The following INSL6 variants were observed in gnomAD, a reference collection of about 807,000 sequenced individuals.
INSL6 encodes the protein insulin-like peptide INSL6.
Under a neutral mutation model 9.4 loss-of-function variants are expected in INSL6, and 16 were observed. The ratio of observed to expected loss-of-function variants is 1.70; its 90% CI spans 1.15 to 2.59. The LOEUF is 2.59. Among genes scored for constraint, INSL6 ranks in the 30% most tolerant of loss-of-function variants. The pLI is 0.00. For synonymous variants in INSL6, 154 were observed against 96.9 expected (o/e 1.59, Z -3.46); for missense variants, 391 against 257.3 (o/e 1.52, Z -3.56).
At chr9:5,156,058 G>A (rs1290969108) in intron 2 of INSL6, among the ~76,000 whole-genome samples, 1 of 152,064 alleles carries the variant, frequency 6.6e-6, no homozygotes, top group Non-Finnish European at 1.5e-5. Context: ...GACATTTAAA[G>A]GATGGTCAGG....
At chr9:5,066,569 A>T in the INSL6 span, 1 of 665,316 alleles carries the variant, frequency 1.5e-6, no homozygotes, top group Non-Finnish European at 2.7e-6. Flanking sequence ...AAAGTAGAGG[A>T]GACAATTCTG....
At chr9:5,112,756 G>A in the INSL6 span, 20 of 661,700 alleles carry the variant, frequency 3.0e-5, no homozygotes, top group Non-Finnish European at 4.7e-5. Flanking sequence ...GGCGAGAAGA[G>A]AAGGTGTCGC....
chr9:5,174,674 G>A (rs1033880598), intron 1 of INSL6, among the ~76,000 whole-genome samples: 3 of 151,988 alleles, frequency 2.0e-5, no homozygotes, highest in African/African-American at 4.8e-5. Flanking sequence ...ATCTACCTAC[G>A]ACTTCTGAAC....
the INSL6 span, chr9:5,069,085 C>G: frequency 6.2e-7 from 1 of 1,610,496 alleles, no homozygotes; most frequent in Non-Finnish European, 8.5e-7. Flanking sequence ...AGAGTACAAC[C>G]TCAGTGGGAC....
the INSL6 span, among the ~76,000 whole-genome samples, chr9:5,089,170 A>G: frequency 6.6e-6 from 1 of 152,202 alleles, no homozygotes; most frequent in African/African-American, 2.4e-5. Context: ...AAGAAATTAA[A>G]TTTACAGATT....
the INSL6 span, among the ~76,000 whole-genome samples, chr9:5,002,999 T>C: frequency 6.6e-6 from 1 of 151,998 alleles, no homozygotes; most frequent in African/African-American, 2.4e-5. Context: ...GACCAATATT[T>C]CTTCACTGAA....
the INSL6 span, chr9:5,070,073 T>C: frequency 6.4e-7 from 1 of 1,562,138 alleles, no homozygotes; most frequent in East Asian, 2.3e-5. Flanking sequence ...AGATACTCAT[T>C]ACTGTCTTTT....
chr9:5,164,218 G>C lies in INSL6; in HGVS notation c.337C>G (p.Leu113Val). 6.2e-7 allele frequency: 1 copy of C among 1,607,210 alleles called. No individual in the cohort carries two copies. The highest frequency in any genetic ancestry group is 1.1e-5 in the South Asian group (1 of 89,316). ...EAVNSWEMQS[L>V]PEYKDKKGYS... is the part of the protein sequence containing the mutation. ...CCCTTTTTATCCTTATACTCAGGTA[G>C]TGACTGCATTTCCCAACTGTTTACT... The change falls in exon 2 of 2, where the codon CTA becomes GTA. Residue 113 changes from leucine (L) to valine (V), a missense_variant. Physicochemically the swap from Leu to Val is conservative, Grantham distance 32. Transcript: ENST00000381641.
At chr9:5,004,876 T>C in the INSL6 span, among the ~76,000 whole-genome samples, 1 of 151,848 alleles carries the variant, frequency 6.6e-6, no homozygotes, top group Admixed American at 6.6e-5. Context: ...TTTAGTGATG[T>C]TGAACGTTTT....
the INSL6 span, among the ~76,000 whole-genome samples, chr9:5,068,400 G>A: frequency 1.3e-5 from 2 of 152,254 alleles, no homozygotes; most frequent in African/African-American, 4.8e-5. Context: ...ATACAATGGT[G>A]GTGCAGTGGA....
the INSL6 span, chr9:5,098,712 G>C: frequency 1.0e-5 from 1 of 97,700 alleles, no homozygotes; most frequent in Non-Finnish European, 2.1e-5. Flanking sequence ...TTTTTTTTTT[G>C]AGACAGAGTC....
chr9:5,179,250 C>CA (rs1217069289), intron 1 of INSL6, among the ~76,000 whole-genome samples: 17 of 152,064 alleles, frequency 1.1e-4, no homozygotes, highest in Non-Finnish European at 4.4e-5. Flanking sequence ...GGCCAACAAA[C>CA]AAAAAATAGC....
chr9:5,052,817 G>A, the INSL6 span, among the ~76,000 whole-genome samples: 9 of 151,978 alleles, frequency 5.9e-5, no homozygotes, highest in Non-Finnish European at 1.2e-4. Context: ...GTTGTAGAAT[G>A]TATCAGTACT....
chr9:5,041,257 C>A, the INSL6 span: 2 of 1,416,060 alleles, frequency 1.4e-6, no homozygotes, highest in Non-Finnish European at 2.0e-6. Context: ...CCATCCACAT[C>A]ATCGACCTCG....
intron 1 of INSL6, among the ~76,000 whole-genome samples, chr9:5,177,428 T>C (rs1031093697): frequency 2.0e-5 from 3 of 152,170 alleles, no homozygotes; most frequent in African/African-American, 2.4e-5. Context: ...GGAGATCCCA[T>C]TGTGAGCCCA....
the INSL6 span, chr9:5,050,929 AATACT>A: frequency 8.6e-5 from 84 of 982,352 alleles, 2 homozygotes; most frequent in South Asian, 7.9e-4. Context: ...TTGATTTTGT[AATACT>A]AGTTAAGTAC....
the INSL6 span, chr9:5,041,075 C>G: frequency 1.4e-6 from 1 of 694,224 alleles, no homozygotes; most frequent in Admixed American, 2.1e-5. Context: ...CTCAGGTCTA[C>G]TACCTACTAC....
At chr9:5,041,302 G>A in the INSL6 span, 4 of 857,090 alleles carry the variant, frequency 4.7e-6, no homozygotes, top group Middle Eastern at 2.3e-4. Flanking sequence ...TCAGGACCAA[G>A]AAGCACATCC....
At chr9:5,034,922 C>A in the INSL6 span, among the ~76,000 whole-genome samples, 4 of 151,980 alleles carry the variant, frequency 2.6e-5, no homozygotes, top group Non-Finnish European at 5.9e-5. Context: ...GACAAAAAAC[C>A]CTTCAAAAAA....
Sources: allele counts gnomAD v4.1 joint callset (sites outside exome capture counted in the v4.1 genomes callset), GRCh38; gene constraint gnomAD v4.1.1; transcripts MANE v1.5; gene names NCBI Gene and HGNC (gene_info 2026-07-23, HGNC 2026-07-21).